Variants in SHISAL1 observed in about 807,000 individuals in gnomAD.
SHISAL1 encodes protein shisa-like-1.
Under a neutral mutation model 22.6 loss-of-function variants are expected in SHISAL1, and 9 were observed. That is an observed-to-expected ratio of 0.40 (90% CI 0.24 to 0.70). The LOEUF is 0.70. SHISAL1 is among the 30% of genes least tolerant of loss of function. The pLI is 0.39. For missense variants in SHISAL1, 246 were observed against 270.6 expected, an observed-to-expected ratio of 0.91 and a Z score of 0.64; for synonymous variants, 119 against 115.4, an observed-to-expected ratio of 1.03 and a Z score of -0.20.
chr22:44,292,684 G>A (rs9614426), intron 3 of SHISAL1, among the ~76,000 whole-genome samples: 15,084 of 152,144 alleles, frequency 0.099, 991 homozygotes, highest in South Asian at 0.16. Context: ...CCTGCATCCC[G>A]CTCCCCAAGG....
chr22:44,253,902 T>G (rs1232814494), intron 4 of SHISAL1, among the ~76,000 whole-genome samples: 6 of 151,778 alleles, frequency 4.0e-5, no homozygotes, highest in Non-Finnish European at 8.8e-5. Flanking sequence ...TGAAAGTGCA[T>G]ACACCAAAAG....
chr22:44,250,238 C>T (rs1488070275), intron 4 of SHISAL1, among the ~76,000 whole-genome samples: 1 of 152,130 alleles, frequency 6.6e-6, no homozygotes, highest in African/African-American at 2.4e-5. Flanking sequence ...GTCACCATTG[C>T]CATAACAAAC....
In SHISAL1 at chr22:44,285,443, T is replaced by A. The variant is rs1462146431; in HGVS notation, c.584A>T (p.Gln195Leu). Residue 195 changes from glutamine to leucine, a missense_variant, in exon 4 of 5, where the codon CAG becomes CTG. Transcript: ENST00000381176. ...AGCCACTCACCAGGCAGACGAACTC[T>A]GGAAGGTCATCAGCGGTGGGCTGTG... is the stretch of plus-strand genomic sequence containing the variant. ...DAHSPPLMTF[Q>L]SSSA 1 of 1,613,956 alleles carries A rather than the reference T, an allele frequency of 6.2e-7. No individual in the cohort carries two copies. Among genetic ancestry groups the A allele is most frequent in the Admixed American group, 1.7e-5 (1 of 60,002 alleles).
intron 4 of SHISAL1, among the ~76,000 whole-genome samples, chr22:44,277,315 C>G (rs2055246593): frequency 6.6e-6 from 1 of 152,202 alleles, no homozygotes; most frequent in Admixed American, 6.5e-5. Flanking sequence ...AGTTCTGTCA[C>G]CCACTGTCCT....
In SHISAL1 at chr22:44,275,437, C is replaced by A. The variant is rs1033723438; in HGVS notation, c.599+9991G>T. ...GTTTCGGGAAGCTCCTGGGCCCAGA[C>A]CAGAGAGGACTTGTTTCACTGACAC... is the stretch of plus-strand genomic sequence containing the variant. On this transcript the variant is annotated intron_variant, in intron 4 of 4. Coordinates refer to ENST00000381176, the MANE Select transcript of SHISAL1 (RefSeq NM_001099294.2). 4.6e-5 allele frequency among the ~76,000 whole-genome samples: 7 copies of A among 152,314 alleles called. No individual in the cohort carries two copies. The East Asian group carries it at 1.2e-3, about 25-fold the overall frequency.
chr22:44,303,341 G>A (rs556359042), intron 1 of SHISAL1, among the ~76,000 whole-genome samples: 19 of 152,218 alleles, frequency 1.2e-4, no homozygotes, highest in South Asian at 6.2e-4. Flanking sequence ...GGGTCATCAC[G>A]GAGGTCATTA....
chr22:44,267,101 G>C (rs1389003261), intron 4 of SHISAL1, among the ~76,000 whole-genome samples: 1 of 152,048 alleles, frequency 6.6e-6, no homozygotes, highest in Non-Finnish European at 1.5e-5. Flanking sequence ...TGCAGGCAGG[G>C]GACATCGCAG....
At chr22:44,295,266 A>C (rs2055377819) in intron 3 of SHISAL1, among the ~76,000 whole-genome samples, 1 of 152,108 alleles carries the variant, frequency 6.6e-6, no homozygotes, top group African/African-American at 2.4e-5. Context: ...GTAAGTTTGC[A>C]TTTCATCTCG....
At chr22:44,270,182 T>C (rs1382198072) in intron 4 of SHISAL1, among the ~76,000 whole-genome samples, 1 of 152,160 alleles carries the variant, frequency 6.6e-6, no homozygotes, top group East Asian at 1.9e-4. Flanking sequence ...CATATTTCCC[T>C]TAAACGAATG....
At chr22:44,283,124 G>A (rs2055288067) in intron 4 of SHISAL1, among the ~76,000 whole-genome samples, 1 of 152,260 alleles carries the variant, frequency 6.6e-6, no homozygotes, top group South Asian at 2.1e-4. Context: ...GCGTGTCAAA[G>A]AGCACAGCGG....
chr22:44,329,163 C>T, the SHISAL1 span, among the ~76,000 whole-genome samples: 14 of 152,228 alleles, frequency 9.2e-5, no homozygotes, highest in Non-Finnish European at 1.9e-4. Context: ...CCTCTGCTTC[C>T]TTGAGAGTGC....
At chr22:44,321,456 C>T in the SHISAL1 span, among the ~76,000 whole-genome samples, 6 of 152,258 alleles carry the variant, frequency 3.9e-5, no homozygotes, top group South Asian at 6.2e-4. Context: ...GGGAGGGTCC[C>T]CTTGATGCTC....
intron 4 of SHISAL1, among the ~76,000 whole-genome samples, chr22:44,250,445 G>C (rs572541307): frequency 1.3e-5 from 2 of 152,346 alleles, no homozygotes; most frequent in South Asian, 4.1e-4. Flanking sequence ...CTTACTTATA[G>C]CTTTGATTGG....
chr22:44,267,806 C>T (rs2055175420), intron 4 of SHISAL1, among the ~76,000 whole-genome samples: 2 of 152,272 alleles, frequency 1.3e-5, no homozygotes, highest in Admixed American at 6.5e-5. Flanking sequence ...CACTTCCTCC[C>T]CTGGTCTCTT....
the SHISAL1 span, among the ~76,000 whole-genome samples, chr22:44,320,654 C>T: frequency 1.2e-4 from 19 of 152,212 alleles, no homozygotes; most frequent in East Asian, 1.9e-4. Flanking sequence ...TCTGCCAGGC[C>T]GCCGCCCTCC....
chr22:44,266,194 G>A (rs1206580326), intron 4 of SHISAL1, among the ~76,000 whole-genome samples: 1 of 152,178 alleles, frequency 6.6e-6, no homozygotes, highest in Admixed American at 6.5e-5. Flanking sequence ...ACATGAGACA[G>A]TACATGTAAC....
chr22:44,290,849 T>G (rs572216490), intron 3 of SHISAL1, among the ~76,000 whole-genome samples: 37 of 152,222 alleles, frequency 2.4e-4, no homozygotes, highest in African/African-American at 8.9e-4. Flanking sequence ...AGAGAGTGCT[T>G]AATAGGTCTA....
chr22:44,261,989 G>GGCTAGGT (rs1555925828), intron 4 of SHISAL1, among the ~76,000 whole-genome samples: 3 of 44,628 alleles, frequency 6.7e-5, no homozygotes, highest in African/African-American at 1.7e-4. Context: ...CCAGGGCCTG[G>GGCTAGGT]GCTGGGGGCT....
chr22:44,279,811 C>T (rs912784829), intron 4 of SHISAL1, among the ~76,000 whole-genome samples: 1 of 152,228 alleles, frequency 6.6e-6, no homozygotes, highest in Non-Finnish European at 1.5e-5. Flanking sequence ...TGCCCTGTCC[C>T]TGCATGCCCC....
Sources: gnomAD v4.1 joint callset for allele counts (sites outside exome capture counted in the v4.1 genomes callset) on GRCh38, gnomAD v4.1.1 for gene constraint, MANE v1.5 for transcripts, NCBI Gene and HGNC (gene_info 2026-07-23, HGNC 2026-07-21) for gene names.